FAM89A: variants seen among roughly 807,000 people sequenced by gnomAD.
FAM89A encodes the protein family with sequence similarity 89 member A, also known as protein FAM89A.
In FAM89A, 10 loss-of-function variants were observed where a neutral mutation model predicts 7.1. The observed-to-expected ratio is 1.40, with a 90% CI of 0.86 to 2.38. The LOEUF (loss-of-function observed/expected upper bound fraction) is 2.38, where lower values mean the gene tolerates loss of function less well. Ranked by LOEUF, FAM89A falls within the 30% of genes most tolerant of loss-of-function variation. The pLI is 0.00. For synonymous variants in FAM89A, 157 were observed against 129.3 expected (o/e 1.21, Z -1.45); for missense variants, 276 against 262.8 (o/e 1.05, Z -0.35).
chr1:231,021,612 T>G, intron 1 of FAM89A: 6 of 1,486,292 alleles, frequency 4.0e-6, no homozygotes, highest in Non-Finnish European at 5.6e-6. Flanking sequence ...AAGAGCACAA[T>G]GAGTACAAGA....
chr1:231,024,986 A>C (rs2103071757), intron 1 of FAM89A, among the ~76,000 whole-genome samples: 1 of 126,282 alleles, frequency 7.9e-6, no homozygotes, highest in South Asian at 2.5e-4. Flanking sequence ...GTAGTGGTGT[A>C]ATCTCGGCTC....
Position 231,019,173 on chromosome 1 carries a change from T to TTC in FAM89A, c.*688_*689dup, listed in dbSNP as rs1553308119. On this transcript the variant is annotated 3_prime_UTR_variant, in exon 2 of 2. Transcript: ENST00000366654. Reference sequence around the variant, plus strand: ...ACATTGGCTTGCCCCAGTTTTTGTGTTCTTTTTTTTTTTTTCACTATTCAA... The same window carrying TTC: ...ACATTGGCTTGCCCCAGTTTTTGTGTTCTCTTTTTTTTTTTTTCACTATTCAA... The TTC allele has an allele frequency of 5.3e-5, 1 of 18,854 alleles. No homozygotes were observed. Among genetic ancestry groups the TTC allele is most frequent in the Non-Finnish European group, 1.2e-4 (1 of 8,154 alleles). The allele number at this position is 18,854 out of a possible 1,614,324, so 1.2% of individuals were successfully genotyped here.
chr1:231,024,688 C>A (rs1273757865), intron 1 of FAM89A, among the ~76,000 whole-genome samples: 1 of 151,948 alleles, frequency 6.6e-6, no homozygotes, highest in Non-Finnish European at 1.5e-5. Flanking sequence ...AGGTGCATAC[C>A]ACCATGCCTG....
At chr1:231,037,446 G>A (rs1572359110) in intron 1 of FAM89A, among the ~76,000 whole-genome samples, 2 of 151,934 alleles carry the variant, frequency 1.3e-5, no homozygotes, top group East Asian at 1.9e-4. Context: ...CTCCAGCTTC[G>A]GCTTCAGAAA....
intron 1 of FAM89A, among the ~76,000 whole-genome samples, chr1:231,024,776 A>C (rs1679935322): frequency 6.6e-6 from 1 of 151,958 alleles, no homozygotes; most frequent in Non-Finnish European, 1.5e-5. Context: ...TCCTGGGCTC[A>C]AGTGATTTGC....
In FAM89A at chr1:231,040,131, C is replaced by T; in HGVS notation, c.81G>A (p.Leu27=). ...RGLRVDGLPP[L]PKSLSGLLHS... ...GCAGCAGCCCGCTCAAGCTCTTTGG[C>T]AGCGGGGGCAGCCCGTCCACCCGCA... The change falls in exon 1 of 2, where the codon CTG becomes CTA. Residue 27 remains leucine (L), a synonymous_variant. Transcript: ENST00000366654. The T allele has an allele frequency of 7.3e-7, 1 of 1,368,218 alleles. No individual in the cohort carries two copies. The highest frequency in any genetic ancestry group is 9.5e-7 in the Non-Finnish European group (1 of 1,054,594). The allele number at this position is 1,368,218 out of a possible 1,614,324, so 84.8% of individuals were successfully genotyped here.
Position 231,040,059 on chromosome 1 carries a change from C to A in FAM89A, c.153G>T (p.Glu51Asp). 6.9e-7 allele frequency: 1 copy of A among 1,448,360 alleles called. No individual in the cohort carries two copies. The highest frequency in any genetic ancestry group is 1.5e-5 in the African/African-American group (1 of 68,080). 89.7% of individuals were successfully genotyped at this position (1,448,360 alleles called of 1,614,324 possible). The change falls in exon 1 of 2, where the codon GAG (glutamate) becomes GAT (aspartate). Residue 51 changes from glutamate to aspartate, a missense_variant. Glu to Asp is a conservative substitution (Grantham distance 45). Coordinates refer to ENST00000366654, the MANE Select transcript of FAM89A (RefSeq NM_198552.3). The stretch of plus-strand genomic sequence containing the variant: ...TGCGCGACTTCTGCGCGTACAGCCG[C>A]TCCAGGTGCCGCCAGCCCCCAGACG... ...GGASGGWRHL[E>D]RLYAQKSRIQ... is the part of the protein sequence containing the mutation.
rs60500715 is a variant in FAM89A at position 231,024,914 on chromosome 1, C to CTTTTTTTTTTTTTTTTTTTTTT, written c.292-4810_292-4789dup. Among the ~76,000 whole-genome samples, 2 of 63,410 alleles carry CTTTTTTTTTTTTTTTTTTTTTT rather than the reference C, an allele frequency of 3.2e-5. 1 individual carries two copies. Among genetic ancestry groups the CTTTTTTTTTTTTTTTTTTTTTT allele is most frequent in the African/African-American group, 1.3e-4 (2 of 15,802 alleles). 41.6% of individuals were successfully genotyped at this position (63,410 alleles called of 152,430 possible). ...GGGTTCTGTTGCTACCACAACTACT[C>CTTTTTTTTTTTTTTTTTTTTTT]TTTTTTTTTTTTTTTTTTTTTTTTT... On this transcript the variant is annotated intron_variant, in intron 1 of 1. Transcript: ENST00000366654.
chr1:231,033,279 G>A (rs540076861), intron 1 of FAM89A, among the ~76,000 whole-genome samples: 1 of 152,316 alleles, frequency 6.6e-6, no homozygotes, highest in East Asian at 1.9e-4. Flanking sequence ...CCAGCCTCGG[G>A]GGATCGCTTC....
rs537283130 is a variant in FAM89A at position 231,031,334 on chromosome 1, G to A, written c.291+8587C>T. On this transcript the variant is annotated intron_variant, in intron 1 of 1. Coordinates refer to ENST00000366654, the MANE Select transcript of FAM89A (RefSeq NM_198552.3). Reference sequence around the variant, plus strand: ...CAGACAATTGTGGATATTCCTCTTTGCTACCGCCCTTTAGTTGACTGCTGT... The same window carrying A: ...CAGACAATTGTGGATATTCCTCTTTACTACCGCCCTTTAGTTGACTGCTGT... Among the ~76,000 whole-genome samples, 47 of 152,178 alleles carry A rather than the reference G, an allele frequency of 3.1e-4. 1 individual carries two copies. Among genetic ancestry groups the A allele is most frequent in the African/African-American group, 1.1e-3 (47 of 41,532 alleles).
chr1:231,028,203 G>A (rs1005123024), intron 1 of FAM89A, among the ~76,000 whole-genome samples: 1 of 152,354 alleles, frequency 6.6e-6, no homozygotes, highest in East Asian at 1.9e-4. Context: ...ACGGGCAGCC[G>A]CCGAGTGCCC....
At chr1:231,021,604 G>A in intron 1 of FAM89A, 1 of 1,459,080 alleles carries the variant, frequency 6.9e-7, no homozygotes, top group Non-Finnish European at 9.6e-7. Flanking sequence ...AGGCACCAAA[G>A]AGCACAATGA....
intron 1 of FAM89A, chr1:231,021,481 A>T: frequency 1.6e-6 from 1 of 626,406 alleles, no homozygotes; most frequent in Admixed American, 2.9e-5. Flanking sequence ...ATCTGTCCCG[A>T]TCCAAATTCT....
At chr1:231,028,206 G>A (rs527377108) in intron 1 of FAM89A, among the ~76,000 whole-genome samples, 1 of 152,310 alleles carries the variant, frequency 6.6e-6, no homozygotes, top group East Asian at 1.9e-4. Context: ...GGCAGCCGCC[G>A]AGTGCCCTGT....
chr1:231,022,860 G>A (rs1417601314), intron 1 of FAM89A, among the ~76,000 whole-genome samples: 1 of 152,112 alleles, frequency 6.6e-6, no homozygotes, highest in East Asian at 1.9e-4. Context: ...CCCCTCAGAG[G>A]CTTAATGTTG....
Position 231,040,062 on chromosome 1 carries a change from C to T in FAM89A, c.150G>A (p.Leu50=), listed in dbSNP as rs1037734265. 1.7e-5 allele frequency: 25 copies of T among 1,448,386 alleles called. No homozygotes were observed. In the Admixed American group the frequency reaches 3.1e-4, roughly 18 times the overall value. The allele number at this position is 1,448,386 out of a possible 1,614,324, so 89.7% of individuals were successfully genotyped here. A position where few individuals can be genotyped will look rare whatever the true frequency, so the allele number is the denominator to read the frequency against. ...GGGASGGWRH[L]ERLYAQKSRI... is the part of the protein sequence containing the mutation. Reference sequence around the variant, plus strand: ...GCGACTTCTGCGCGTACAGCCGCTCCAGGTGCCGCCAGCCCCCAGACGCGC... The same window carrying T: ...GCGACTTCTGCGCGTACAGCCGCTCTAGGTGCCGCCAGCCCCCAGACGCGC... Residue 50 remains leucine (L), a synonymous_variant, in exon 1 of 2, where the codon CTG becomes CTA. Coordinates refer to ENST00000366654, the MANE Select transcript of FAM89A (RefSeq NM_198552.3).
chr1:231,030,859 C>T (rs964970005), intron 1 of FAM89A, among the ~76,000 whole-genome samples: 3 of 152,124 alleles, frequency 2.0e-5, no homozygotes, highest in African/African-American at 7.2e-5. Flanking sequence ...CCTGTAATTC[C>T]AGCACTGTGG....
intron 1 of FAM89A, among the ~76,000 whole-genome samples, chr1:231,024,301 C>T (rs1679926467): frequency 6.6e-6 from 1 of 151,862 alleles, no homozygotes; most frequent in African/African-American, 2.4e-5. Context: ...GACTCGTTTA[C>T]CTAGCAATAA....
intron 1 of FAM89A, among the ~76,000 whole-genome samples, chr1:231,024,357 G>A (rs1463133038): frequency 6.6e-6 from 1 of 152,084 alleles, no homozygotes; most frequent in Non-Finnish European, 1.5e-5. Context: ...GGAAGCTGAG[G>A]CCTGGTAAAA....
Sources: allele counts gnomAD v4.1 joint callset (sites outside exome capture counted in the v4.1 genomes callset), GRCh38; gene constraint gnomAD v4.1.1; transcripts MANE v1.5; gene names NCBI Gene and HGNC (gene_info 2026-07-23, HGNC 2026-07-21).